ADARB2: variants seen among roughly 807,000 people sequenced by gnomAD.
ADARB2 encodes the protein inactive double-stranded RNA-specific editase B2.
A neutral mutation model predicts 62.2 loss-of-function variants in ADARB2; 25 were observed. The observed-to-expected ratio is 0.40, with a 90% confidence interval of 0.29 to 0.56. The LOEUF is 0.56. Among genes scored for constraint, ADARB2 ranks in the 20% least tolerant of loss-of-function variants. The pLI is 0.43. For synonymous variants in ADARB2, 572 were observed against 500.8 expected (o/e 1.14, Z -1.90); for missense variants, 1,071 against 1,077.4 (o/e 0.99, Z 0.08).
At position 1,199,958 on chromosome 10, in the gene ADARB2, G is replaced by A; in HGVS notation, c.1864+8C>T. ...GAGGTGGAGGGCCCCCGGGAAGGGG[G>A]TTCTTACCGCTGAGGAGAGGCCGGT... On this transcript the variant is annotated splice_region_variant and intron_variant, in intron 8 of 9. Coordinates refer to ENST00000381312, the MANE Select transcript of ADARB2 (RefSeq NM_018702.4). The A allele has an allele frequency of 2.0e-6, 3 of 1,526,456 alleles. No individual in the cohort carries two copies. The highest frequency in any genetic ancestry group is 1.4e-5 in the African/African-American group (1 of 73,766). The allele number at this position is 1,526,456 out of a possible 1,614,324, so 94.6% of individuals were successfully genotyped here.
intron 1 of ADARB2, among the ~76,000 whole-genome samples, chr10:1,529,896 C>A (rs1832202264): frequency 6.6e-6 from 1 of 152,162 alleles, no homozygotes; most frequent in African/African-American, 2.4e-5. Flanking sequence ...TGCCCCCTGC[C>A]ACCACGGACA....
At chr10:1,329,702 T>G (rs962051498) in intron 3 of ADARB2, among the ~76,000 whole-genome samples, 1 of 152,160 alleles carries the variant, frequency 6.6e-6, no homozygotes, top group African/African-American at 2.4e-5. Context: ...TTCGATGGTG[T>G]GGGACAAACA....
chr10:1,340,036 C>G (rs1243920037), intron 3 of ADARB2, among the ~76,000 whole-genome samples: 1 of 152,078 alleles, frequency 6.6e-6, no homozygotes, highest in East Asian at 1.9e-4. Context: ...CCCAGACAGC[C>G]TAGAGCCACG....
chr10:1,508,517 C>T lies in ADARB2; in HGVS notation c.101-129357G>A, dbSNP rs1043333556. Among the ~76,000 whole-genome samples the T allele has an allele frequency of 2.0e-5, 3 of 152,192 alleles. No homozygotes were observed. In the South Asian group the frequency reaches 6.2e-4, roughly 31 times the overall value. Reference sequence around the variant, plus strand: ...CGTGTTAGCTGGGCACAGTGGCTCACGCCTGTAATCCCAGCACTTCGGGAG... The same window carrying T: ...CGTGTTAGCTGGGCACAGTGGCTCATGCCTGTAATCCCAGCACTTCGGGAG... On this transcript the variant is annotated intron_variant, in intron 1 of 9. Transcript: ENST00000381312.
intron 3 of ADARB2, among the ~76,000 whole-genome samples, chr10:1,334,016 GAAC>G (rs1831951438): frequency 6.6e-6 from 1 of 152,198 alleles, no homozygotes; most frequent in Non-Finnish European, 1.5e-5. Context: ...AGACAGGCCG[GAAC>G]AACTAGACTG....
At chr10:1,286,128 T>A (rs1177503764) in intron 3 of ADARB2, among the ~76,000 whole-genome samples, 5 of 151,948 alleles carry the variant, frequency 3.3e-5, no homozygotes, top group Non-Finnish European at 7.4e-5. Context: ...AGAGGGGGCT[T>A]GGGAGTGCAG....
At chr10:1,488,813 C>T (rs953269812) in intron 1 of ADARB2, among the ~76,000 whole-genome samples, 2 of 151,880 alleles carry the variant, frequency 1.3e-5, no homozygotes, top group African/African-American at 4.9e-5. Flanking sequence ...GGAAAACGCT[C>T]GCATATCTGC....
chr10:1,188,765 G>A (rs111847475), intron 8 of ADARB2, among the ~76,000 whole-genome samples: 413 of 152,340 alleles, frequency 2.7e-3, no homozygotes, highest in African/African-American at 9.3e-3. Flanking sequence ...GATCCCTGGA[G>A]TCTAATGTGC....
intron 1 of ADARB2, among the ~76,000 whole-genome samples, chr10:1,636,821 CAT>C (rs1833922694): frequency 6.8e-6 from 1 of 146,972 alleles, no homozygotes; most frequent in South Asian, 2.1e-4. Flanking sequence ...TTATATATGT[CAT>C]ATATTATATA....
chr10:1,453,897 C>CAGCTGCTCTAGAAAATGGTGT (rs1831067248), intron 1 of ADARB2, among the ~76,000 whole-genome samples: 1 of 152,136 alleles, frequency 6.6e-6, no homozygotes, highest in Non-Finnish European at 1.5e-5. Context: ...TAAGATGGTG[C>CAGCTGCTCTAGAAAATGGTGT]AGCTGCTCTA....
At chr10:1,504,153 C>A (rs1381248516) in intron 1 of ADARB2, among the ~76,000 whole-genome samples, 1 of 152,128 alleles carries the variant, frequency 6.6e-6, no homozygotes, top group Non-Finnish European at 1.5e-5. Context: ...AAACTGGCTC[C>A]TTCACTTCCA....
At chr10:1,431,433 A>G (rs1830777098) in intron 1 of ADARB2, among the ~76,000 whole-genome samples, 2 of 152,244 alleles carry the variant, frequency 1.3e-5, no homozygotes, top group African/African-American at 2.4e-5. Context: ...CAGCTAAAGC[A>G]GTACTGAGAG....
chr10:1,355,099 C>G (rs1314361568), intron 3 of ADARB2, among the ~76,000 whole-genome samples: 1 of 152,090 alleles, frequency 6.6e-6, no homozygotes, highest in African/African-American at 2.4e-5. Flanking sequence ...TGTCCCTCCC[C>G]TGGCTGCCCA....
At chr10:1,472,494 T>C (rs1016993749) in intron 1 of ADARB2, among the ~76,000 whole-genome samples, 3 of 152,078 alleles carry the variant, frequency 2.0e-5, no homozygotes, top group Non-Finnish European at 4.4e-5. Context: ...TGTACCCAAG[T>C]GGACACCGGG....
intron 1 of ADARB2, among the ~76,000 whole-genome samples, chr10:1,429,814 C>A (rs1006680191): frequency 6.6e-6 from 1 of 152,134 alleles, no homozygotes; most frequent in African/African-American, 2.4e-5. Flanking sequence ...TTTTCTATAA[C>A]TGCTATTTTT....
At chr10:1,488,902 C>CCTTAT (rs1831585670) in intron 1 of ADARB2, among the ~76,000 whole-genome samples, 1 of 152,204 alleles carries the variant, frequency 6.6e-6, no homozygotes, top group African/African-American at 2.4e-5. Context: ...GAGATGGGAA[C>CCTTAT]ACATTCCGAT....
chr10:1,204,790 G>T (rs2131744790), intron 7 of ADARB2, among the ~76,000 whole-genome samples: 1 of 152,354 alleles, frequency 6.6e-6, no homozygotes, highest in Non-Finnish European at 1.5e-5. Context: ...TCCTGGCATT[G>T]CTGAGCACGG....
intron 1 of ADARB2, among the ~76,000 whole-genome samples, chr10:1,657,901 C>G (rs1295103654): frequency 4.6e-5 from 7 of 152,094 alleles, no homozygotes; most frequent in Admixed American, 4.6e-4. Flanking sequence ...TTCTCCCCGT[C>G]TCTGTCTCTC....
intron 1 of ADARB2, among the ~76,000 whole-genome samples, chr10:1,409,035 T>A (rs1011068588): frequency 1.3e-5 from 2 of 152,204 alleles, no homozygotes; most frequent in Non-Finnish European, 2.9e-5. Context: ...TGGGGAGACC[T>A]AATGAGCTCC....
Sources: allele counts gnomAD v4.1 joint callset (sites outside exome capture counted in the v4.1 genomes callset), GRCh38; gene constraint gnomAD v4.1.1; transcripts MANE v1.5; gene names NCBI Gene and HGNC (gene_info 2026-07-23, HGNC 2026-07-21).